The following SNX13 variants were observed in gnomAD, a reference collection of about 807,000 sequenced individuals.
SNX13 encodes sorting nexin 13.
In SNX13, 45 loss-of-function variants were observed where a neutral mutation model predicts 133.6. The observed-to-expected ratio is 0.34, with a 90% CI of 0.27 to 0.43. The LOEUF (loss-of-function observed/expected upper bound fraction) is 0.43, where lower values mean the gene tolerates loss of function less well. SNX13 is among the 20% of genes least tolerant of loss of function. SNX13 has a pLI of 1.00. For synonymous variants in SNX13, 414 were observed against 373.9 expected, an observed-to-expected ratio of 1.11 and a Z score of -1.24; for missense variants, 1,032 against 1,145.1, an observed-to-expected ratio of 0.90 and a Z score of 1.43.
rs546534286 is a variant in SNX13 at position 17,831,211 on chromosome 7, A to G, written c.1598-1164T>C. 13 of 984,218 alleles carry G rather than the reference A, an allele frequency of 1.3e-5. No homozygotes were observed. The African/African-American group carries it at 2.3e-4, about 17-fold the overall frequency. The allele number at this position is 984,218 out of a possible 1,614,324, so 61.0% of individuals were successfully genotyped here. A position where few individuals can be genotyped will look rare whatever the true frequency, so the allele number is the denominator to read the frequency against. The stretch of plus-strand genomic sequence containing the variant: ...GATCCAGAAATACAGTATAAAATCA[A>G]TCTTGGTCGACATTTAATCAAGAAT... On this transcript the variant is annotated intron_variant, in intron 15 of 25. Transcript: ENST00000428135.
At chr7:17,830,196 C>G in intron 15 of SNX13, 149 bp from the exon 16 acceptor site, 1 of 1,179,942 alleles carries the variant, frequency 8.5e-7, no homozygotes, top group Non-Finnish European at 1.1e-6. Flanking sequence ...TGTGGATACT[C>G]CCAAAAACTT....
intron 1 of SNX13, among the ~76,000 whole-genome samples, chr7:17,936,348 G>C (rs970615413): frequency 1.3e-5 from 2 of 152,160 alleles, no homozygotes; most frequent in East Asian, 3.8e-4. Flanking sequence ...TGTTAACTCT[G>C]AGAATCAGTG....
chr7:17,872,598 T>C (rs561297722), intron 8 of SNX13, among the ~76,000 whole-genome samples: 1 of 152,284 alleles, frequency 6.6e-6, no homozygotes, highest in African/African-American at 2.4e-5. Context: ...GCACTTTCTA[T>C]TACTTCACAT....
Position 17,792,920 on chromosome 7 carries a change from C to A in SNX13, c.*1125G>T, listed in dbSNP as rs1783692024. The A allele has an allele frequency of 1.3e-5, 2 of 152,198 alleles. No individual in the cohort carries two copies. The highest frequency in any genetic ancestry group is 4.2e-4 in the South Asian group (2 of 4,818). The allele number at this position is 152,198 out of a possible 1,614,324, so 9.4% of individuals were successfully genotyped here. A position where few individuals can be genotyped will look rare whatever the true frequency, so the allele number is the denominator to read the frequency against. ...TACACTGAGGGGTCTTGCCTACTAGCTTTATTTTGTAGAACTTTACATTAT... is the reference window on the plus strand; with the variant it reads ...TACACTGAGGGGTCTTGCCTACTAGATTTATTTTGTAGAACTTTACATTAT... On this transcript the variant is annotated 3_prime_UTR_variant, in exon 26 of 26. Transcript: ENST00000428135.
chr7:17,796,552 C>T, intron 25 of SNX13: 1 of 299,528 alleles, frequency 3.3e-6, no homozygotes, highest in Non-Finnish European at 6.3e-6. Context: ...CCAACTGTTG[C>T]TTAGTAGCTA....
chr7:17,883,161 A>G (rs1387139353), intron 5 of SNX13, among the ~76,000 whole-genome samples: 2 of 152,224 alleles, frequency 1.3e-5, no homozygotes, highest in Non-Finnish European at 2.9e-5. Context: ...GTGCAGTCCT[A>G]TATCCTATAT....
intron 5 of SNX13, among the ~76,000 whole-genome samples, chr7:17,887,518 A>G (rs1267455648): frequency 6.6e-6 from 1 of 152,142 alleles, no homozygotes; most frequent in Non-Finnish European, 1.5e-5. Context: ...TATGACTACA[A>G]AGCACTCTCC....
intron 1 of SNX13, among the ~76,000 whole-genome samples, chr7:17,922,941 A>G (rs1434902424): frequency 1.3e-5 from 2 of 152,238 alleles, no homozygotes; most frequent in Non-Finnish European, 2.9e-5. Flanking sequence ...TTTACTTAAT[A>G]CACTTTCACA....
At chr7:17,863,984 T>A (rs1793061023) in intron 9 of SNX13, among the ~76,000 whole-genome samples, 1 of 152,238 alleles carries the variant, frequency 6.6e-6, no homozygotes, top group African/African-American at 2.4e-5. Context: ...CCACTAGTGC[T>A]GAAATAGCAT....
chr7:17,803,028 A>T (rs762056878), intron 21 of SNX13, among the ~76,000 whole-genome samples: 17 of 152,164 alleles, frequency 1.1e-4, no homozygotes, highest in South Asian at 2.1e-4. Context: ...ATCAGGAGAA[A>T]TAAGACTTTA....
At chr7:17,918,965 T>C (rs535251342) in intron 1 of SNX13, among the ~76,000 whole-genome samples, 39 of 152,292 alleles carry the variant, frequency 2.6e-4, no homozygotes, top group African/African-American at 7.2e-4. Flanking sequence ...GTGGAGGCCA[T>C]TGTCCTAAGC....
At chr7:17,904,056 C>CA (rs1230304608) in intron 1 of SNX13, among the ~76,000 whole-genome samples, 2 of 151,964 alleles carry the variant, frequency 1.3e-5, no homozygotes, top group Non-Finnish European at 2.9e-5. Context: ...AATGGCAATG[C>CA]AAAAAATCAC....
intron 7 of SNX13, among the ~76,000 whole-genome samples, chr7:17,874,360 T>C (rs905542450): frequency 6.6e-6 from 1 of 152,206 alleles, no homozygotes; most frequent in African/African-American, 2.4e-5. Context: ...GTTAATCAAT[T>C]GTTTACATTA....
chr7:17,801,358 G>A (rs1457087772), intron 22 of SNX13, among the ~76,000 whole-genome samples: 2 of 151,650 alleles, frequency 1.3e-5, no homozygotes, highest in Non-Finnish European at 3.0e-5. Context: ...CTTGGTGGAG[G>A]CGAAGGTCCT....
chr7:17,831,797 A>G (rs1221373930), intron 15 of SNX13: 1 of 983,114 alleles, frequency 1.0e-6, no homozygotes, highest in Non-Finnish European at 1.2e-6. Context: ...AAAAAAGTGG[A>G]AAGGCCTATT....
rs977426800 is a variant in SNX13 at position 17,815,538 on chromosome 7, T to C, written c.1954-594A>G. The stretch of plus-strand genomic sequence containing the variant: ...AGTTCAAAGTTACAGTGAGCTATGA[T>C]TGCATCACTGCACTCCAGCCTGGGT... On this transcript the variant is annotated intron_variant, in intron 19 of 25. Coordinates refer to ENST00000428135, the MANE Select transcript of SNX13 (RefSeq NM_015132.5). Among the ~76,000 whole-genome samples, 10 of 152,138 alleles carry C rather than the reference T, an allele frequency of 6.6e-5. No homozygotes were observed. In the South Asian group the frequency reaches 8.3e-4, roughly 13 times the overall value.
At chr7:17,818,920 T>A (rs2128300699) in intron 18 of SNX13, among the ~76,000 whole-genome samples, 1 of 152,350 alleles carries the variant, frequency 6.6e-6, no homozygotes, top group East Asian at 1.9e-4. Flanking sequence ...ATTTAAATCA[T>A]GAGTTTATCT....
At chr7:17,915,728 G>A (rs1365676383) in intron 1 of SNX13, among the ~76,000 whole-genome samples, 1 of 152,094 alleles carries the variant, frequency 6.6e-6, no homozygotes, top group African/African-American at 2.4e-5. Flanking sequence ...ACATCCAACT[G>A]ACAACATAAG....
chr7:17,903,536 T>C (rs1798071510), intron 1 of SNX13, among the ~76,000 whole-genome samples: 1 of 152,220 alleles, frequency 6.6e-6, no homozygotes, highest in Admixed American at 6.5e-5. Context: ...CATGCCTTCA[T>C]TTCCTCACCT....
Sources: allele counts gnomAD v4.1 joint callset (sites outside exome capture counted in the v4.1 genomes callset), GRCh38; gene constraint gnomAD v4.1.1; transcripts MANE v1.5; gene names NCBI Gene and HGNC (gene_info 2026-07-23, HGNC 2026-07-21).